Variants in TM9SF4 observed in about 807,000 individuals in gnomAD.
The protein encoded by TM9SF4 is transmembrane 9 superfamily member 4, also known as dinucleotide oxidase disulfide thiol exchanger 3 superfamily member 4.
Under a neutral mutation model 90.4 loss-of-function variants are expected in TM9SF4, and 26 were observed. The ratio of observed to expected loss-of-function variants is 0.29; its 90% CI spans 0.21 to 0.40. TM9SF4 has a LOEUF of 0.40. Among genes scored for constraint, TM9SF4 ranks in the 10% least tolerant of loss-of-function variants. The probability of loss-of-function intolerance (pLI) is 1.00; values close to 1 mark genes in which losing one functional copy is unlikely to be tolerated. For synonymous variants in TM9SF4, 293 were observed against 315.4 expected (o/e 0.93, Z 0.75); for missense variants, 549 against 834.8 (o/e 0.66, Z 4.22).
At chr20:32,123,472 C>A (rs1473949771) in intron 1 of TM9SF4, among the ~76,000 whole-genome samples, 1 of 129,064 alleles carries the variant, frequency 7.7e-6, no homozygotes, top group East Asian at 3.4e-4. Flanking sequence ...TTGTGTTTGG[C>A]CATTTGAGCT....
chr20:32,129,596 A>AT (rs2046480521), intron 1 of TM9SF4, among the ~76,000 whole-genome samples: 1 of 146,432 alleles, frequency 6.8e-6, no homozygotes, highest in South Asian at 2.1e-4. Context: ...GTAAGTAGTG[A>AT]ATTTTTTTTT....
At chr20:32,122,744 G>A (rs1473050867) in intron 1 of TM9SF4, among the ~76,000 whole-genome samples, 1 of 152,106 alleles carries the variant, frequency 6.6e-6, no homozygotes, top group Non-Finnish European at 1.5e-5. Context: ...AGGCAAAGAT[G>A]CTCCTCACTT....
intron 2 of TM9SF4, among the ~76,000 whole-genome samples, chr20:32,133,486 C>G (rs933473569): frequency 7.2e-5 from 11 of 152,202 alleles, no homozygotes; most frequent in African/African-American, 2.4e-4. Context: ...CTCACCTGCT[C>G]CATCTTCTCT....
intron 3 of TM9SF4, among the ~76,000 whole-genome samples, chr20:32,137,936 A>G (rs184626099): frequency 2.0e-5 from 3 of 152,344 alleles, no homozygotes; most frequent in African/African-American, 2.4e-5. Flanking sequence ...GAACTCCAGG[A>G]ACTCTGGCTC....
chr20:32,142,855 G>C (rs1363950378), intron 5 of TM9SF4, 127 bp from the exon 6 acceptor site: 1 of 1,249,164 alleles, frequency 8.0e-7, no homozygotes, highest in South Asian at 1.4e-5. Flanking sequence ...CTGAGTAGGG[G>C]AGTGATGAGA....
chr20:32,128,916 G>A (rs527540477), intron 1 of TM9SF4, among the ~76,000 whole-genome samples: 1 of 151,866 alleles, frequency 6.6e-6, no homozygotes, highest in Admixed American at 6.6e-5. Context: ...CACTGGGGCC[G>A]GTGGGTGGAA....
intron 3 of TM9SF4, among the ~76,000 whole-genome samples, chr20:32,140,091 G>A (rs778295249): frequency 1.3e-5 from 2 of 152,198 alleles, no homozygotes; most frequent in Non-Finnish European, 2.9e-5. Context: ...ACATGTTCAC[G>A]GATGAATGAA....
In TM9SF4 at chr20:32,155,141, C is replaced by T; in HGVS notation, c.1284C>T (p.Cys428=). 2.5e-6 allele frequency: 4 copies of T among 1,614,194 alleles called. No homozygotes were observed. The highest frequency in any genetic ancestry group is 3.4e-6 in the Non-Finnish European group (4 of 1,180,026). ...ACCCTGGTGTGGTTTTTGGCATCTG[C>T]TTCGTATTGAATTGCTTCATTTGGG... is the stretch of plus-strand genomic sequence containing the variant. ...TLYPGVVFGI[C]FVLNCFIWGK... is the part of the protein sequence containing the mutation. Residue 428 remains cysteine, a synonymous_variant, in exon 13 of 18, where the codon TGC becomes TGT. Transcript: ENST00000398022.
intron 1 of TM9SF4, chr20:32,110,047 C>T: frequency 1.5e-6 from 2 of 1,357,674 alleles, no homozygotes; most frequent in Non-Finnish European, 9.5e-7. Context: ...ACTGTGAGCC[C>T]CATTTTCCAT....
At chr20:32,152,976 T>C (rs1199392045) in intron 12 of TM9SF4, among the ~76,000 whole-genome samples, 1 of 152,208 alleles carries the variant, frequency 6.6e-6, no homozygotes, top group Non-Finnish European at 1.5e-5. Context: ...TGAGGAATTC[T>C]GTGCTACACA....
intron 1 of TM9SF4, among the ~76,000 whole-genome samples, chr20:32,123,151 A>G: frequency 1.0e-5 from 1 of 97,712 alleles, no homozygotes; most frequent in Non-Finnish European, 2.0e-5. Flanking sequence ...CATGAGAGGG[A>G]GACCATGAGG....
chr20:32,137,706 A>T (rs748569075), intron 3 of TM9SF4, among the ~76,000 whole-genome samples: 1 of 152,154 alleles, frequency 6.6e-6, no homozygotes, highest in African/African-American at 2.4e-5. Context: ...GTTGGATTGT[A>T]AGCCATTTAC....
chr20:32,138,277 C>G (rs189465478), intron 3 of TM9SF4, among the ~76,000 whole-genome samples: 66 of 152,070 alleles, frequency 4.3e-4, no homozygotes, highest in Middle Eastern at 3.4e-3. Flanking sequence ...CGGATAGAAC[C>G]CTGGACTCTT....
intron 16 of TM9SF4, among the ~76,000 whole-genome samples, chr20:32,160,844 G>A (rs1244537160): frequency 6.7e-6 from 1 of 150,372 alleles, no homozygotes; most frequent in Non-Finnish European, 1.5e-5. Flanking sequence ...CAGCTACTTG[G>A]GAGGCCGAGG....
intron 15 of TM9SF4, among the ~76,000 whole-genome samples, 172 bp downstream of exon 15, chr20:32,158,686 T>C (rs2046968017): frequency 6.6e-6 from 1 of 152,080 alleles, no homozygotes; most frequent in South Asian, 2.1e-4. Context: ...CAGGGCAGCA[T>C]TGAAAGTGAA....
intron 2 of TM9SF4, among the ~76,000 whole-genome samples, chr20:32,134,974 C>A (rs1395465788): frequency 6.6e-6 from 1 of 151,862 alleles, no homozygotes; most frequent in Non-Finnish European, 1.5e-5. Flanking sequence ...TTTCTAATCC[C>A]AAAAAAGAGT....
At chr20:32,142,861 T>C in intron 5 of TM9SF4, 121 bp from the exon 6 acceptor site, 1 of 1,334,144 alleles carries the variant, frequency 7.5e-7, no homozygotes, top group East Asian at 2.5e-5. Context: ...AGGGGAGTGA[T>C]GAGAACAGTG....
intron 5 of TM9SF4, 79 bp downstream of exon 5, chr20:32,141,974 G>A (rs1042819791): frequency 6.3e-7 from 1 of 1,590,088 alleles, no homozygotes; most frequent in Admixed American, 1.7e-5. Context: ...CAGAAAAGGT[G>A]GGGCTCGGCC....
At chr20:32,148,221 T>C (rs2046791656) in intron 9 of TM9SF4, among the ~76,000 whole-genome samples, 1 of 152,230 alleles carries the variant, frequency 6.6e-6, no homozygotes, top group East Asian at 1.9e-4. Flanking sequence ...AAACTGTTTT[T>C]ACCTCAGGAA....
Sources: allele counts gnomAD v4.1 joint callset (sites outside exome capture counted in the v4.1 genomes callset), GRCh38; gene constraint gnomAD v4.1.1; transcripts MANE v1.5; gene names NCBI Gene and HGNC (gene_info 2026-07-23, HGNC 2026-07-21).